HS3ST4: variants seen among roughly 807,000 people sequenced by gnomAD.
The protein encoded by HS3ST4 is heparan sulfate glucosamine 3-O-sulfotransferase 4.
In HS3ST4, 17 loss-of-function variants were observed where a neutral mutation model predicts 29.2. The observed-to-expected ratio is 0.58, with a 90% CI of 0.40 to 0.87. The LOEUF (loss-of-function observed/expected upper bound fraction) is 0.87. Among genes scored for constraint, HS3ST4 ranks in the 40% least tolerant of loss-of-function variants. The pLI is 0.00. For synonymous variants in HS3ST4, 314 were observed against 285.7 expected, an observed-to-expected ratio of 1.10 and a Z score of -1.00; for missense variants, 627 against 634.5, an observed-to-expected ratio of 0.99 and a Z score of 0.13.
intron 1 of HS3ST4, 70 bp from the exon 2 acceptor site, chr16:26,135,542 T>A: frequency 1.4e-6 from 2 of 1,446,982 alleles, no homozygotes; most frequent in Non-Finnish European, 1.8e-6. Context: ...TATCACACAT[T>A]TTGTGCAAAG....
chr16:25,731,715 T>G (rs1472820759), intron 1 of HS3ST4, among the ~76,000 whole-genome samples: 1 of 152,154 alleles, frequency 6.6e-6, no homozygotes, highest in Non-Finnish European at 1.5e-5. Context: ...CAAAAGTTGG[T>G]CCTTTCTTTG....
chr16:25,999,176 G>C (rs1969182742), intron 1 of HS3ST4, among the ~76,000 whole-genome samples: 1 of 152,112 alleles, frequency 6.6e-6, no homozygotes, highest in South Asian at 2.1e-4. Context: ...AAAAGGTGTA[G>C]GTTCACCTTA....
Position 26,123,485 on chromosome 16 carries a change from G to T in HS3ST4, c.735-12127G>T, listed in dbSNP as rs1011681042. On this transcript the variant is annotated intron_variant, in intron 1 of 1. Coordinates refer to ENST00000331351, the MANE Select transcript of HS3ST4 (RefSeq NM_006040.3). ...CTGTGAGTCCTAAGAGATAACGAGA[G>T]ACCTCTCAAACAATTTGTACTATTT... Among the ~76,000 whole-genome samples, 7 of 152,274 alleles carry T rather than the reference G, an allele frequency of 4.6e-5. No individual in the cohort carries two copies. The East Asian group carries it at 9.6e-4, about 21-fold the overall frequency.
intron 1 of HS3ST4, among the ~76,000 whole-genome samples, chr16:26,109,346 A>T (rs4378616): frequency 0.55 from 83,135 of 151,878 alleles, 23,598 homozygotes; most frequent in Non-Finnish European, 0.64. Flanking sequence ...TCTTTTCTGC[A>T]TGTGCGTGAG....
At chr16:25,715,347 C>CAA (rs57882177) in intron 1 of HS3ST4, among the ~76,000 whole-genome samples, 1 of 127,918 alleles carries the variant, frequency 7.8e-6, no homozygotes, top group African/African-American at 2.9e-5. Context: ...AAAAAAAAAC[C>CAA]AAAAAAAAAA....
intron 1 of HS3ST4, among the ~76,000 whole-genome samples, chr16:25,852,037 T>C (rs1427935278): frequency 6.6e-6 from 1 of 152,100 alleles, no homozygotes; most frequent in African/African-American, 2.4e-5. Context: ...AGGTGACATA[T>C]AGAGGAAGTA....
chr16:25,766,671 T>TA (rs1966821237), intron 1 of HS3ST4, among the ~76,000 whole-genome samples: 1 of 152,222 alleles, frequency 6.6e-6, no homozygotes, highest in Non-Finnish European at 1.5e-5. Context: ...ACATTGGTGA[T>TA]ACAATGATGA....
intron 1 of HS3ST4, among the ~76,000 whole-genome samples, chr16:26,033,342 C>G (rs1396043062): frequency 6.6e-6 from 1 of 151,952 alleles, no homozygotes; most frequent in African/African-American, 2.4e-5. Flanking sequence ...ATGGTGAAAC[C>G]CTGTCTCTAC....
At chr16:26,131,687 G>A (rs1353646902) in intron 1 of HS3ST4, among the ~76,000 whole-genome samples, 2 of 152,224 alleles carry the variant, frequency 1.3e-5, no homozygotes, top group Non-Finnish European at 2.9e-5. Flanking sequence ...AATCTTACAG[G>A]AAGAGGGAGA....
At chr16:25,849,942 T>C (rs1353751176) in intron 1 of HS3ST4, among the ~76,000 whole-genome samples, 1 of 152,106 alleles carries the variant, frequency 6.6e-6, no homozygotes, top group Non-Finnish European at 1.5e-5. Context: ...CTTTTCAATC[T>C]TTTTGGATTA....
At chr16:26,079,992 C>T (rs1898706582) in intron 1 of HS3ST4, among the ~76,000 whole-genome samples, 1 of 152,110 alleles carries the variant, frequency 6.6e-6, no homozygotes, top group African/African-American at 2.4e-5. Flanking sequence ...CATTGATAGC[C>T]TGGTTTTAAA....
At chr16:26,067,515 G>T (rs1898556401) in intron 1 of HS3ST4, among the ~76,000 whole-genome samples, 1 of 137,074 alleles carries the variant, frequency 7.3e-6, no homozygotes, top group Non-Finnish European at 1.6e-5. Context: ...CCCCACCCCA[G>T]CCACCCCTGT....
At chr16:26,070,827 C>A (rs868685911) in intron 1 of HS3ST4, among the ~76,000 whole-genome samples, 58 of 152,280 alleles carry the variant, frequency 3.8e-4, no homozygotes, top group Non-Finnish European at 6.3e-4. Context: ...GTTATGGTAA[C>A]CTGGGACCAT....
At chr16:26,007,340 G>A (rs1969267912) in intron 1 of HS3ST4, among the ~76,000 whole-genome samples, 1 of 152,170 alleles carries the variant, frequency 6.6e-6, no homozygotes, top group Admixed American at 6.5e-5. Context: ...TGCAAAACAG[G>A]AAGCTTACCC....
At chr16:25,948,926 T>C (rs369151107) in intron 1 of HS3ST4, among the ~76,000 whole-genome samples, 1 of 152,198 alleles carries the variant, frequency 6.6e-6, no homozygotes, top group African/African-American at 2.4e-5. Context: ...TCATAAATTC[T>C]GGGGTCTGAG....
At chr16:25,972,337 T>A (rs1286791005) in intron 1 of HS3ST4, among the ~76,000 whole-genome samples, 1 of 152,146 alleles carries the variant, frequency 6.6e-6, no homozygotes, top group African/African-American at 2.4e-5. Flanking sequence ...TATCACACAG[T>A]TTCTGTGGGT....
chr16:25,921,014 T>G (rs1968346315), intron 1 of HS3ST4, among the ~76,000 whole-genome samples: 1 of 152,188 alleles, frequency 6.6e-6, no homozygotes, highest in Admixed American at 6.5e-5. Flanking sequence ...ACACTCTATC[T>G]GGGACACGTA....
intron 1 of HS3ST4, among the ~76,000 whole-genome samples, chr16:26,133,226 C>T (rs572659240): frequency 1.3e-4 from 20 of 152,178 alleles, no homozygotes; most frequent in South Asian, 2.1e-4. Context: ...GACATTGAAC[C>T]GGCATGATCC....
intron 1 of HS3ST4, among the ~76,000 whole-genome samples, chr16:26,053,362 A>C (rs952646215): frequency 6.6e-6 from 1 of 152,252 alleles, no homozygotes. Context: ...ATTATTTAGC[A>C]TGCACCTCCA....
Sources: gnomAD v4.1 joint callset for allele counts (sites outside exome capture counted in the v4.1 genomes callset) on GRCh38, gnomAD v4.1.1 for gene constraint, MANE v1.5 for transcripts, NCBI Gene and HGNC (gene_info 2026-07-23, HGNC 2026-07-21) for gene names.